The following ZNF385D variants were observed in gnomAD, a reference collection of about 807,000 sequenced individuals.
The protein encoded by ZNF385D is zinc finger protein 385D.
A neutral mutation model predicts 35.8 loss-of-function variants in ZNF385D; 15 were observed. The observed-to-expected ratio is 0.42, with a 90% CI of 0.28 to 0.64. ZNF385D has a LOEUF of 0.64. Among genes scored for constraint, ZNF385D ranks in the 30% least tolerant of loss-of-function variants. ZNF385D has a pLI of 0.23. For missense variants in ZNF385D, 474 were observed against 494.6 expected, an observed-to-expected ratio of 0.96 and a Z score of 0.39; for synonymous variants, 212 against 186.8, an observed-to-expected ratio of 1.13 and a Z score of -1.10.
intron 3 of ZNF385D, among the ~76,000 whole-genome samples, chr3:21,512,972 T>G (rs1002011131): frequency 1.3e-5 from 2 of 152,170 alleles, no homozygotes; most frequent in African/African-American, 4.8e-5. Flanking sequence ...GTGATACAAG[T>G]GAATGTTTAA....
At chr3:21,849,031 T>G (rs1312972480) in intron 3 of ZNF385D, among the ~76,000 whole-genome samples, 1 of 152,134 alleles carries the variant, frequency 6.6e-6, no homozygotes, top group Non-Finnish European at 1.5e-5. Context: ...TAAGCACTAC[T>G]TCTACGTGGT....
intron 3 of ZNF385D, among the ~76,000 whole-genome samples, chr3:22,059,194 G>A (rs1699567440): frequency 6.6e-6 from 1 of 152,132 alleles, no homozygotes; most frequent in African/African-American, 2.4e-5. Flanking sequence ...CCTCTGGTCA[G>A]GACTGAGCAT....
At chr3:21,783,198 T>G (rs184575605) in intron 3 of ZNF385D, among the ~76,000 whole-genome samples, 178 of 152,284 alleles carry the variant, frequency 1.2e-3, no homozygotes, top group African/African-American at 4.2e-3. Flanking sequence ...ACATGGCATC[T>G]GAAACAACTT....
chr3:22,175,772 A>G (rs917789586), intron 2 of ZNF385D, among the ~76,000 whole-genome samples: 1 of 151,364 alleles, frequency 6.6e-6, no homozygotes, highest in South Asian at 2.1e-4. Context: ...TGCATATATA[A>G]TGTATATAGA....
At chr3:22,248,288 A>T (rs1699894391) in intron 2 of ZNF385D, among the ~76,000 whole-genome samples, 1 of 152,206 alleles carries the variant, frequency 6.6e-6, no homozygotes, top group Non-Finnish European at 1.5e-5. Context: ...GTTGTATGGG[A>T]GGAAACCTTA....
At chr3:22,329,489 A>G (rs1451822354) in intron 2 of ZNF385D, among the ~76,000 whole-genome samples, 1 of 152,176 alleles carries the variant, frequency 6.6e-6, no homozygotes, top group African/African-American at 2.4e-5. Flanking sequence ...GTTCCTAAGT[A>G]TAGCTTTACT....
At chr3:22,229,461 C>A (rs557836860) in intron 2 of ZNF385D, among the ~76,000 whole-genome samples, 1 of 152,284 alleles carries the variant, frequency 6.6e-6, no homozygotes, top group African/African-American at 2.4e-5. Flanking sequence ...AGGTTTTCAG[C>A]ATTGATATTG....
chr3:21,486,865 T>A (rs190004679), intron 4 of ZNF385D, among the ~76,000 whole-genome samples: 1 of 152,248 alleles, frequency 6.6e-6, no homozygotes, highest in Admixed American at 6.5e-5. Flanking sequence ...ATGATGACTA[T>A]TCATATCATA....
At chr3:21,501,334 G>A (rs1706348166) in intron 4 of ZNF385D, among the ~76,000 whole-genome samples, 1 of 152,150 alleles carries the variant, frequency 6.6e-6, no homozygotes, top group African/African-American at 2.4e-5. Context: ...CTAGCATGAG[G>A]ACCAAGAACC....
intron 3 of ZNF385D, among the ~76,000 whole-genome samples, chr3:22,113,401 G>C (rs11918652): frequency 6.6e-6 from 1 of 151,816 alleles, no homozygotes; most frequent in African/African-American, 2.4e-5. Context: ...TTCTCTAATC[G>C]TTCATTTTTT....
At chr3:22,117,703 A>C (rs749895558) in intron 3 of ZNF385D, among the ~76,000 whole-genome samples, 4 of 152,026 alleles carry the variant, frequency 2.6e-5, no homozygotes, top group Non-Finnish European at 4.4e-5. Context: ...TACTGGTAAT[A>C]TTACCATTGA....
intron 3 of ZNF385D, among the ~76,000 whole-genome samples, chr3:21,927,335 C>G (rs1700780840): frequency 6.6e-6 from 1 of 151,946 alleles, no homozygotes; most frequent in Non-Finnish European, 1.5e-5. Flanking sequence ...GCAAAATGGA[C>G]TAAGAAAATC....
chr3:21,706,801 C>A (rs1575499595), intron 1 of ZNF385D, among the ~76,000 whole-genome samples: 1 of 149,328 alleles, frequency 6.7e-6, no homozygotes, highest in African/African-American at 2.5e-5. Context: ...TAGATAGACA[C>A]AAAGATAATA....
At chr3:21,965,608 G>A (rs774303360) in intron 3 of ZNF385D, among the ~76,000 whole-genome samples, 3 of 152,158 alleles carry the variant, frequency 2.0e-5, no homozygotes, top group Non-Finnish European at 4.4e-5. Context: ...CAGTATATGA[G>A]TCTAGATTGG....
rs528127978 is a variant in ZNF385D, at chr3:21,485,580, C to A, written c.439+25281G>T. The stretch of plus-strand genomic sequence containing the variant: ...TATGTTTTTTTAATATAGATAACAT[C>A]TCTTTGATTCCTCCTTTCACCATTT... On this transcript the variant is annotated intron_variant, in intron 4 of 7. Transcript: ENST00000281523. Among the ~76,000 whole-genome samples, 3 of 152,164 alleles carry A rather than the reference C, an allele frequency of 2.0e-5. No individual in the cohort carries two copies. In the South Asian group the frequency reaches 6.2e-4, roughly 32 times the overall value.
At chr3:22,133,640 C>G (rs1312150880) in intron 3 of ZNF385D, 1 of 151,862 alleles carries the variant, frequency 6.6e-6, no homozygotes, top group Non-Finnish European at 1.5e-5. Flanking sequence ...ATACTCTATT[C>G]TTTCTACTAC....
Position 21,903,560 on chromosome 3 carries a change from G to A in ZNF385D, c.326-238532C>T, listed in dbSNP as rs11922989. On this transcript the variant is annotated intron_variant, in intron 3 of 5. Transcript: ENST00000494108. ...GCTACAGAACTTTTACAAGTTGATG[G>A]AAATGTATTTTGATCATGGTGATGA... Among the ~76,000 whole-genome samples, 1,263 of 152,242 alleles carry A rather than the reference G, an allele frequency of 8.3e-3. 12 individuals carry two copies. The highest frequency in any genetic ancestry group is 0.029 in the African/African-American group (1,211 of 41,548).
At chr3:22,072,045 C>T (rs1010423076) in intron 3 of ZNF385D, among the ~76,000 whole-genome samples, 1 of 151,838 alleles carries the variant, frequency 6.6e-6, no homozygotes, top group Non-Finnish European at 1.5e-5. Context: ...CCTGTAATAC[C>T]CACCATGTAT....
intron 3 of ZNF385D, among the ~76,000 whole-genome samples, chr3:22,139,347 A>G (rs1576386690): frequency 3.9e-5 from 6 of 152,316 alleles, no homozygotes; most frequent in African/African-American, 1.4e-4. Flanking sequence ...TCACAATAGC[A>G]AAGACTTGGA....
Sources: gnomAD v4.1 joint callset for allele counts (sites outside exome capture counted in the v4.1 genomes callset) on GRCh38, gnomAD v4.1.1 for gene constraint, MANE v1.5 for transcripts, NCBI Gene and HGNC (gene_info 2026-07-23, HGNC 2026-07-21) for gene names.